Variants in HS6ST3 observed in about 807,000 individuals in gnomAD.
HS6ST3 encodes the protein heparan-sulfate 6-O-sulfotransferase 3.
A neutral mutation model predicts 36.7 loss-of-function variants in HS6ST3; 12 were observed. The ratio of observed to expected loss-of-function variants is 0.33; its 90% CI spans 0.21 to 0.53. The LOEUF (loss-of-function observed/expected upper bound fraction) is 0.53, where lower values mean the gene tolerates loss of function less well. Among genes scored for constraint, HS6ST3 ranks in the 20% least tolerant of loss-of-function variants. The pLI is 0.95. For missense variants in HS6ST3, 584 were observed against 640.9 expected (o/e 0.91, Z 0.96); for synonymous variants, 240 against 257.5 (o/e 0.93, Z 0.65).
chr13:96,255,424 A>G (rs1045074763), intron 1 of HS6ST3, among the ~76,000 whole-genome samples: 3 of 152,174 alleles, frequency 2.0e-5, no homozygotes, highest in African/African-American at 7.2e-5. Context: ...ATAGGCCTAG[A>G]TTTTCTAAAC....
At chr13:96,605,014 G>A (rs1376557918) in intron 1 of HS6ST3, among the ~76,000 whole-genome samples, 4 of 151,932 alleles carry the variant, frequency 2.6e-5, no homozygotes, top group Admixed American at 6.6e-5. Flanking sequence ...AAAGGGAAGG[G>A]GCTTTAAAAT....
intron 1 of HS6ST3, among the ~76,000 whole-genome samples, chr13:96,236,191 G>A (rs2054533770): frequency 6.6e-6 from 1 of 152,118 alleles, no homozygotes; most frequent in African/African-American, 2.4e-5. Context: ...CTGTTATGCT[G>A]CTAGCTGATT....
At chr13:96,350,460 A>G (rs140296510) in intron 1 of HS6ST3, among the ~76,000 whole-genome samples, 1 of 152,356 alleles carries the variant, frequency 6.6e-6, no homozygotes, top group East Asian at 1.9e-4. Context: ...TTTGTCTGTA[A>G]AGCATAGAAA....
chr13:96,545,077 A>G (rs557671879), intron 1 of HS6ST3, among the ~76,000 whole-genome samples: 23 of 152,230 alleles, frequency 1.5e-4, no homozygotes, highest in Non-Finnish European at 2.4e-4. Context: ...ATGTGAGAAC[A>G]TAGCTGTATA....
At chr13:96,807,090 A>G (rs1413863109) in intron 1 of HS6ST3, among the ~76,000 whole-genome samples, 1 of 152,166 alleles carries the variant, frequency 6.6e-6, no homozygotes, top group East Asian at 1.9e-4. Flanking sequence ...GGAAATGACA[A>G]TTTTAATCAC....
chr13:96,719,954 G>C (rs529186516), intron 1 of HS6ST3, among the ~76,000 whole-genome samples: 1 of 152,052 alleles, frequency 6.6e-6, no homozygotes, highest in South Asian at 2.1e-4. Flanking sequence ...TTTCTCCTTG[G>C]GTTAAAGGGG....
chr13:96,122,076 G>C (rs114885010), intron 1 of HS6ST3, among the ~76,000 whole-genome samples: 2,532 of 150,572 alleles, frequency 0.017, 59 homozygotes, highest in African/African-American at 0.059. Flanking sequence ...TTACATGCTA[G>C]TACTTCCTTT....
At position 96,430,213 on chromosome 13, in the gene HS6ST3, C is replaced by A. The variant is rs181676280; in HGVS notation, c.707+338644C>A. ...TTCTATCTATGAAATTAAAATGAAC[C>A]TAATTTCTGGCTTCATTGGAGTTAT... On this transcript the variant is annotated intron_variant, in intron 1 of 1. Transcript: ENST00000376705. Among the ~76,000 whole-genome samples the A allele has an allele frequency of 2.3e-3, 356 of 152,250 alleles. 2 individuals are homozygous for A. The highest frequency in any genetic ancestry group is 3.4e-3 in the Non-Finnish European group (230 of 68,026).
intron 1 of HS6ST3, among the ~76,000 whole-genome samples, chr13:96,460,931 A>G (rs970576461): frequency 6.6e-6 from 1 of 152,242 alleles, no homozygotes; most frequent in African/African-American, 2.4e-5. Context: ...TGCCTGGGGC[A>G]GAAATGAAAA....
At chr13:96,156,755 A>G (rs2054112448) in intron 1 of HS6ST3, among the ~76,000 whole-genome samples, 1 of 152,092 alleles carries the variant, frequency 6.6e-6, no homozygotes, top group Admixed American at 6.5e-5. Flanking sequence ...CCCGTTTACC[A>G]CTCATTAAAT....
rs536868877 is a variant in HS6ST3, at chr13:96,096,079, G to A, written c.707+4510G>A. ...AAAATTTTAAGTCAAACTGCAACTC[G>A]AATTTATTTGCAGCATCTGGAAACC... is the stretch of plus-strand genomic sequence containing the variant. On this transcript the variant is annotated intron_variant, in intron 1 of 1. Coordinates refer to ENST00000376705, the MANE Select transcript of HS6ST3 (RefSeq NM_153456.4). Among the ~76,000 whole-genome samples the A allele has an allele frequency of 2.3e-4, 35 of 151,788 alleles. 1 individual carries two copies. The highest frequency in any genetic ancestry group is 2.0e-4 in the Admixed American group (3 of 15,236).
At chr13:96,524,674 G>T (rs2056106870) in intron 1 of HS6ST3, among the ~76,000 whole-genome samples, 1 of 152,234 alleles carries the variant, frequency 6.6e-6, no homozygotes, top group Non-Finnish European at 1.5e-5. Flanking sequence ...GTGGGCATGG[G>T]ACCTGCCGAG....
intron 1 of HS6ST3, among the ~76,000 whole-genome samples, chr13:96,680,353 A>G (rs1278324043): frequency 6.6e-6 from 1 of 152,160 alleles, no homozygotes; most frequent in Non-Finnish European, 1.5e-5. Context: ...GTGGAACCTG[A>G]CAATCTCCCT....
chr13:96,322,076 C>T (rs1420618861), intron 1 of HS6ST3, among the ~76,000 whole-genome samples: 1 of 152,128 alleles, frequency 6.6e-6, no homozygotes, highest in Non-Finnish European at 1.5e-5. Flanking sequence ...ACTCTGCCTT[C>T]ATAACAATGA....
intron 1 of HS6ST3, among the ~76,000 whole-genome samples, chr13:96,189,842 C>T (rs546670176): frequency 5.3e-5 from 8 of 152,138 alleles, no homozygotes; most frequent in Non-Finnish European, 1.2e-4. Flanking sequence ...AAAGCTGGTG[C>T]ATCATGTTTG....
chr13:96,706,571 G>A (rs771947536), intron 1 of HS6ST3, among the ~76,000 whole-genome samples: 34 of 151,566 alleles, frequency 2.2e-4, no homozygotes, highest in East Asian at 3.9e-4. Flanking sequence ...ACCGTGGGTC[G>A]TTTTAATTGC....
At chr13:96,624,116 T>G (rs151315469) in intron 1 of HS6ST3, among the ~76,000 whole-genome samples, 1 of 152,350 alleles carries the variant, frequency 6.6e-6, no homozygotes, top group Non-Finnish European at 1.5e-5. Context: ...ATATGTATTA[T>G]GCACACACGT....
At chr13:96,601,085 T>A (rs1438888396) in intron 1 of HS6ST3, among the ~76,000 whole-genome samples, 3 of 152,160 alleles carry the variant, frequency 2.0e-5, no homozygotes, top group African/African-American at 7.2e-5. Flanking sequence ...TTTGTCTCAT[T>A]ACTCTTAGAA....
chr13:96,636,631 C>T (rs1351356605), intron 1 of HS6ST3, among the ~76,000 whole-genome samples: 1 of 152,112 alleles, frequency 6.6e-6, no homozygotes, highest in African/African-American at 2.4e-5. Context: ...TTAACAGCAG[C>T]CCAGCTCTGA....
Sources: gnomAD v4.1 joint callset for allele counts (sites outside exome capture counted in the v4.1 genomes callset) on GRCh38, gnomAD v4.1.1 for gene constraint, MANE v1.5 for transcripts, NCBI Gene and HGNC (gene_info 2026-07-23, HGNC 2026-07-21) for gene names.